The following ELMOD1 variants were observed in gnomAD, a reference collection of about 807,000 sequenced individuals.
The protein encoded by ELMOD1 is ELMO domain-containing protein 1.
Under a neutral mutation model 46.7 loss-of-function variants are expected in ELMOD1, and 21 were observed. The observed-to-expected ratio is 0.45, with a 90% CI of 0.32 to 0.65. The LOEUF is 0.65. ELMOD1 is among the 30% of genes least tolerant of loss of function. The pLI is 0.04. For missense variants in ELMOD1, 348 were observed against 407.8 expected (o/e 0.85, Z 1.26); for synonymous variants, 122 against 138.2 (o/e 0.88, Z 0.82).
rs547709819 is a variant in ELMOD1, at chr11:107,630,448, T to G, written c.49T>G (p.Cys17Gly). Residue 17 changes from cysteine (C) to glycine (G), a missense_variant, in exon 3 of 12, where the codon TGT becomes GGT. Transcript: ENST00000265840. ...MLIQVCLYFYCKFLWRCLKFV... is the reference protein window; with the variant it reads ...MLIQVCLYFYGKFLWRCLKFV... ...GATCCAGGTATGCCTGTATTTTTACTGTAAATTTCTGTGGCGCTGCCTGAA... is the reference window on the plus strand; with the variant it reads ...GATCCAGGTATGCCTGTATTTTTACGGTAAATTTCTGTGGCGCTGCCTGAA... 6.2e-7 allele frequency: 1 copy of G among 1,603,182 alleles called. No individual in the cohort carries two copies. The highest frequency in any genetic ancestry group is 1.3e-5 in the African/African-American group (1 of 74,972).
chr11:107,614,795 A>G (rs909648461), intron 1 of ELMOD1, among the ~76,000 whole-genome samples: 3 of 152,088 alleles, frequency 2.0e-5, no homozygotes, highest in African/African-American at 7.2e-5. Flanking sequence ...TCTTGCCATC[A>G]CTATTTTTCC....
chr11:107,602,872 C>A (rs371162804), intron 1 of ELMOD1, among the ~76,000 whole-genome samples: 3 of 86,220 alleles, frequency 3.5e-5, no homozygotes, highest in Non-Finnish European at 6.1e-5. Flanking sequence ...GGCTTGTTGA[C>A]CATCTTTCAC....
intron 2 of ELMOD1, among the ~76,000 whole-genome samples, chr11:107,625,151 G>A (rs189674412): frequency 5.3e-5 from 8 of 152,184 alleles, no homozygotes; most frequent in Non-Finnish European, 7.4e-5. Context: ...GCTCTTATAC[G>A]GATGGTCCCA....
chr11:107,612,853 A>G (rs1865802778), intron 1 of ELMOD1, among the ~76,000 whole-genome samples: 1 of 152,214 alleles, frequency 6.6e-6, no homozygotes, highest in Non-Finnish European at 1.5e-5. Flanking sequence ...TCTGTGAATA[A>G]TGAGTTAAAT....
At chr11:107,637,382 A>G (rs900082737) in intron 6 of ELMOD1, among the ~76,000 whole-genome samples, 3 of 152,172 alleles carry the variant, frequency 2.0e-5, no homozygotes, top group Non-Finnish European at 4.4e-5. Flanking sequence ...ATTGGGGCAT[A>G]TTGTTCACCT....
intron 6 of ELMOD1, among the ~76,000 whole-genome samples, chr11:107,636,962 T>C (rs1168196708): frequency 6.6e-6 from 1 of 152,242 alleles, no homozygotes; most frequent in Admixed American, 6.5e-5. Flanking sequence ...CACAAGAGCC[T>C]GAACAATGTA....
intron 1 of ELMOD1, among the ~76,000 whole-genome samples, chr11:107,594,523 C>A (rs1480044580): frequency 2.0e-5 from 3 of 152,208 alleles, no homozygotes; most frequent in African/African-American, 7.2e-5. Flanking sequence ...AGCAATTGAT[C>A]TGCTCTTGAC....
intron 6 of ELMOD1, among the ~76,000 whole-genome samples, chr11:107,638,188 C>CA (rs1565383183): frequency 1.3e-5 from 2 of 152,206 alleles, no homozygotes; most frequent in African/African-American, 4.8e-5. Context: ...AATCCTTACT[C>CA]ACTGAATTTT....
intron 2 of ELMOD1, among the ~76,000 whole-genome samples, chr11:107,619,825 A>G (rs138820214): frequency 1.3e-5 from 2 of 152,318 alleles, no homozygotes; most frequent in East Asian, 3.9e-4. Flanking sequence ...CATCCCTATT[A>G]GTTATGTGTT....
intron 11 of ELMOD1, among the ~76,000 whole-genome samples, chr11:107,659,806 A>G (rs1866702203): frequency 1.3e-5 from 2 of 152,108 alleles, no homozygotes; most frequent in Non-Finnish European, 2.9e-5. Flanking sequence ...TCACACCTGT[A>G]ATCCCAGCAC....
intron 2 of ELMOD1, among the ~76,000 whole-genome samples, chr11:107,619,651 G>T (rs1216922581): frequency 6.6e-6 from 1 of 152,108 alleles, no homozygotes; most frequent in Non-Finnish European, 1.5e-5. Context: ...GTAATTTTAG[G>T]AAAAATAGTA....
At chr11:107,621,892 C>T (rs190502928) in intron 2 of ELMOD1, among the ~76,000 whole-genome samples, 213 of 151,892 alleles carry the variant, frequency 1.4e-3, no homozygotes, top group Middle Eastern at 0.01. Flanking sequence ...TTGGTCATGG[C>T]GGTGGGTGCC....
chr11:107,660,225 C>T (rs369747032), intron 11 of ELMOD1, among the ~76,000 whole-genome samples: 1 of 152,198 alleles, frequency 6.6e-6, no homozygotes, highest in Non-Finnish European at 1.5e-5. Context: ...AAAACCAAGA[C>T]ATTCAAGCAG....
At chr11:107,650,992 A>T in intron 9 of ELMOD1, 84 bp downstream of exon 9, 1 of 771,880 alleles carries the variant, frequency 1.3e-6, no homozygotes, top group Non-Finnish European at 1.8e-6. Context: ...AGGAACTCTG[A>T]ATTTATTTGT....
At chr11:107,612,507 T>C (rs1476279022) in intron 1 of ELMOD1, among the ~76,000 whole-genome samples, 1 of 152,152 alleles carries the variant, frequency 6.6e-6, no homozygotes, top group African/African-American at 2.4e-5. Flanking sequence ...GAATTTAAAA[T>C]AAAAGTTGAA....
intron 2 of ELMOD1, among the ~76,000 whole-genome samples, chr11:107,626,813 C>T (rs1001667673): frequency 1.1e-4 from 17 of 152,244 alleles, no homozygotes; most frequent in African/African-American, 3.9e-4. Flanking sequence ...TTTTGATCCT[C>T]AGCAGTTTTT....
At chr11:107,610,118 CAGA>C (rs1057434754) in intron 1 of ELMOD1, among the ~76,000 whole-genome samples, 1 of 152,088 alleles carries the variant, frequency 6.6e-6, no homozygotes, top group African/African-American at 2.4e-5. Flanking sequence ...CAGTCCAGAG[CAGA>C]AGGAGACATG....
At chr11:107,637,670 G>A (rs899862231) in intron 6 of ELMOD1, among the ~76,000 whole-genome samples, 2 of 151,498 alleles carry the variant, frequency 1.3e-5, no homozygotes, top group African/African-American at 2.4e-5. Context: ...TCCAGCCTGG[G>A]TGACAAAGCA....
At chr11:107,664,919 T>G (rs568678815) in intron 11 of ELMOD1, 106 bp from the exon 12 acceptor site, 1 of 1,001,058 alleles carries the variant, frequency 1.0e-6, no homozygotes, top group Non-Finnish European at 1.5e-6. Context: ...AGCTCCACGG[T>G]TGCTGTGGCT....
Sources: allele counts gnomAD v4.1 joint callset (sites outside exome capture counted in the v4.1 genomes callset), GRCh38; gene constraint gnomAD v4.1.1; transcripts MANE v1.5; gene names NCBI Gene and HGNC (gene_info 2026-07-23, HGNC 2026-07-21).